The following FGD4 variants were observed in gnomAD, a reference collection of about 807,000 sequenced individuals.
The protein encoded by FGD4 is FYVE, RhoGEF and PH domain-containing protein 4.
A neutral mutation model predicts 102.0 loss-of-function variants in FGD4; 42 were observed. The observed-to-expected ratio is 0.41, with a 90% CI of 0.32 to 0.53. The LOEUF (loss-of-function observed/expected upper bound fraction) is 0.53, where lower values mean the gene tolerates loss of function less well. Ranked by LOEUF, FGD4 falls within the 20% of genes least tolerant of loss-of-function variation. The pLI, the probability that FGD4 is intolerant of heterozygous loss-of-function variation, is 0.21. For synonymous variants in FGD4, 380 were observed against 375.7 expected, an observed-to-expected ratio of 1.01 and a Z score of -0.13; for missense variants, 902 against 1,078.2, an observed-to-expected ratio of 0.84 and a Z score of 2.29.
In FGD4 at chr12:32,644,859, C is replaced by T. The variant is rs1319240826; in HGVS notation, c.*4326C>T. ...GGCTTTTAAAAAATAATTTCATTCTCAGATCATTTTCTGTACTGTTTACTG... is the reference window on the plus strand; with the variant it reads ...GGCTTTTAAAAAATAATTTCATTCTTAGATCATTTTCTGTACTGTTTACTG... On this transcript the variant is annotated 3_prime_UTR_variant, in exon 17 of 17. Coordinates refer to ENST00000534526, the MANE Select transcript of FGD4 (RefSeq NM_001370298.3). The T allele has an allele frequency of 6.7e-6, 1 of 149,592 alleles. No individual in the cohort carries two copies. The highest frequency in any genetic ancestry group is 2.5e-5 in the African/African-American group (1 of 40,226). The allele number at this position is 149,592 out of a possible 1,614,324, so 9.3% of individuals were successfully genotyped here. A position where few individuals can be genotyped will look rare whatever the true frequency, so the allele number is the denominator to read the frequency against.
In FGD4 at chr12:32,538,978, C is replaced by G. The variant is rs142523062; in HGVS notation, c.167-25159C>G. ...TTGAGGCAGGAGAATTGCTTGAACC[C>G]AGGAGGTGGAGGTTGCAGTGAGCTG... On this transcript the variant is annotated intron_variant, in intron 1 of 16. Coordinates refer to ENST00000534526, the MANE Select transcript of FGD4 (RefSeq NM_001370298.3). Among the ~76,000 whole-genome samples, 1,451 of 152,094 alleles carry G rather than the reference C, an allele frequency of 9.5e-3. 7 individuals are homozygous for G. The highest frequency in any genetic ancestry group is 0.014 in the Non-Finnish European group (933 of 67,958).
intron 2 of FGD4, among the ~76,000 whole-genome samples, chr12:32,564,659 A>C (rs572460847): frequency 5.3e-5 from 8 of 152,364 alleles, no homozygotes; most frequent in African/African-American, 1.9e-4. Flanking sequence ...TCTGTAAAAC[A>C]TAATTCTAAA....
At chr12:32,455,864 A>G (rs1942933096) in intron 1 of FGD4, among the ~76,000 whole-genome samples, 1 of 152,176 alleles carries the variant, frequency 6.6e-6, no homozygotes, top group Non-Finnish European at 1.5e-5. Flanking sequence ...ATAGTCACAG[A>G]GTTCTAGACT....
chr12:32,561,100 T>TTTTTTTTTTTTTTTTTTTTTC (rs1592223200), intron 1 of FGD4, among the ~76,000 whole-genome samples: 1 of 134,276 alleles, frequency 7.4e-6, no homozygotes. Context: ...TTTTTTTTTT[T>TTTTTTTTTTTTTTTTTTTTTC]TGAGATGGAG....
intron 1 of FGD4, among the ~76,000 whole-genome samples, chr12:32,473,563 C>T (rs1047788391): frequency 6.6e-6 from 1 of 151,792 alleles, no homozygotes; most frequent in African/African-American, 2.4e-5. Context: ...AGACTCCAGA[C>T]GCGCCACCTT....
chr12:32,472,515 G>A (rs892327431), intron 1 of FGD4, among the ~76,000 whole-genome samples: 4 of 152,240 alleles, frequency 2.6e-5, no homozygotes, highest in Admixed American at 2.6e-4. Flanking sequence ...GCTGGGCCTT[G>A]GCTGCCTTTC....
At position 32,582,311 on chromosome 12, in the gene FGD4, T is replaced by C. The variant is rs1488373874; in HGVS notation, c.855T>C (p.Asp285=). Residue 285 remains aspartate (D), a synonymous_variant, in exon 4 of 17, where the codon GAT becomes GAC. Coordinates refer to ENST00000534526, the MANE Select transcript of FGD4 (RefSeq NM_001370298.3). ...CATCACCCACAACAGACAGCTGTGATGGAAATGCTTCTGACAGTAGCTACA... is the reference window on the plus strand; with the variant it reads ...CATCACCCACAACAGACAGCTGTGACGGAAATGCTTCTGACAGTAGCTACA... ...APASPTTDSC[D]GNASDSSYRT... is the part of the protein sequence containing the mutation. The C allele has an allele frequency of 1.2e-6, 2 of 1,614,220 alleles. No individual in the cohort carries two copies. Among genetic ancestry groups the C allele is most frequent in the Non-Finnish European group, 1.7e-6 (2 of 1,180,032 alleles).
chr12:32,640,401 CAGTG>C lies in FGD4; in HGVS notation c.2583_2586del (p.Ser861ArgfsTer3), dbSNP rs1951100155. On this transcript the variant is annotated frameshift_variant, in exon 17 of 17. Coordinates refer to ENST00000534526, the MANE Select transcript of FGD4 (RefSeq NM_001370298.3). LOFTEE classifies it high-confidence loss of function. ...AGTCCGTGCACAGCTTTGCTGCAGA[CAGTG>C]AGGAACTGAAGCAGAAGTGGCTGAA... 1 of 1,614,186 alleles carries C rather than the reference CAGTG, an allele frequency of 6.2e-7. No individual in the cohort carries two copies. Among genetic ancestry groups the C allele is most frequent in the Non-Finnish European group, 8.5e-7 (1 of 1,180,016 alleles).
chr12:32,567,536 C>T (rs1173066760), intron 2 of FGD4, among the ~76,000 whole-genome samples: 25 of 151,942 alleles, frequency 1.6e-4, no homozygotes, highest in Admixed American at 1.6e-3. Context: ...CTGCAATGCA[C>T]GGGACAGTCC....
intron 1 of FGD4, among the ~76,000 whole-genome samples, chr12:32,539,778 T>C (rs982179869): frequency 6.6e-6 from 1 of 152,172 alleles, no homozygotes; most frequent in African/African-American, 2.4e-5. Flanking sequence ...TATTTGATAA[T>C]ATACTTGATC....
chr12:32,470,552 C>A (rs1043946495), intron 1 of FGD4, among the ~76,000 whole-genome samples: 1 of 145,298 alleles, frequency 6.9e-6, no homozygotes, highest in East Asian at 2.0e-4. Context: ...CTCCTGGGTT[C>A]AAGCGATTCT....
At chr12:32,416,387 G>A (rs964888456) in intron 1 of FGD4, among the ~76,000 whole-genome samples, 8 of 152,090 alleles carry the variant, frequency 5.3e-5, no homozygotes, top group African/African-American at 1.9e-4. Flanking sequence ...CATTTTATTT[G>A]TCTTCTGGTT....
At chr12:32,402,103 C>A (rs1940695811) in intron 1 of FGD4, among the ~76,000 whole-genome samples, 1 of 144,740 alleles carries the variant, frequency 6.9e-6, no homozygotes, top group Non-Finnish European at 1.5e-5. Context: ...GGAGTTTCAC[C>A]ATGTTGGCCA....
intron 6 of FGD4, among the ~76,000 whole-genome samples, chr12:32,601,829 G>A (rs1435034032): frequency 1.3e-5 from 2 of 152,050 alleles, no homozygotes; most frequent in South Asian, 2.1e-4. Context: ...TTAATGTGCC[G>A]GGCGTGGTGG....
chr12:32,639,945 C>T (rs1951070250), intron 16 of FGD4, among the ~76,000 whole-genome samples: 1 of 152,098 alleles, frequency 6.6e-6, no homozygotes, highest in Non-Finnish European at 1.5e-5. Flanking sequence ...ATTCTCATTA[C>T]TGTTTGCTGG....
chr12:32,567,843 C>T (rs111943897), intron 2 of FGD4, among the ~76,000 whole-genome samples: 2,522 of 152,068 alleles, frequency 0.017, 29 homozygotes, highest in Non-Finnish European at 0.025. Flanking sequence ...TGTACCACAA[C>T]GCCCAGATAA....
intron 4 of FGD4, among the ~76,000 whole-genome samples, chr12:32,594,875 C>A (rs1349189779): frequency 1.3e-5 from 2 of 151,870 alleles, no homozygotes; most frequent in Admixed American, 6.6e-5. Flanking sequence ...ACTAAAACTA[C>A]AAAAAATTAG....
intron 1 of FGD4, among the ~76,000 whole-genome samples, chr12:32,530,547 A>G (rs1283692156): frequency 2.6e-5 from 4 of 152,168 alleles, no homozygotes; most frequent in Non-Finnish European, 5.9e-5. Context: ...AATGTGTATC[A>G]AAATAACATT....
At chr12:32,569,620 G>A (rs936682032) in intron 2 of FGD4, among the ~76,000 whole-genome samples, 5 of 152,044 alleles carry the variant, frequency 3.3e-5, no homozygotes, top group Non-Finnish European at 5.9e-5. Context: ...ACCCTGGATG[G>A]TATTTATCTT....
Sources: gnomAD v4.1 joint callset for allele counts (sites outside exome capture counted in the v4.1 genomes callset) on GRCh38, gnomAD v4.1.1 for gene constraint, MANE v1.5 for transcripts, NCBI Gene and HGNC (gene_info 2026-07-23, HGNC 2026-07-21) for gene names.